The following ARMC9 variants were observed in gnomAD, a reference collection of about 807,000 sequenced individuals.
ARMC9 encodes the protein armadillo repeat containing 9.
In ARMC9, 94 loss-of-function variants were observed where a neutral mutation model predicts 107.0. The observed-to-expected ratio is 0.88, with a 90% CI of 0.74 to 1.04. The LOEUF (loss-of-function observed/expected upper bound fraction) is 1.04, where lower values mean the gene tolerates loss of function less well. Among genes scored for constraint, ARMC9 ranks in the 50% least tolerant of loss-of-function variants. The pLI is 0.00. For synonymous variants in ARMC9, 380 were observed against 396.9 expected (o/e 0.96, Z 0.51); for missense variants, 942 against 1,030.1 (o/e 0.91, Z 1.17).
intron 9 of ARMC9, among the ~76,000 whole-genome samples, chr2:231,250,061 C>T (rs2125392481): frequency 6.6e-6 from 1 of 152,232 alleles, no homozygotes; most frequent in South Asian, 2.1e-4. Context: ...GGAGCACAGT[C>T]CTTTTTCTGA....
At chr2:231,227,308 T>A (rs2034738480) in intron 7 of ARMC9, among the ~76,000 whole-genome samples, 1 of 152,228 alleles carries the variant, frequency 6.6e-6, no homozygotes, top group Admixed American at 6.5e-5. Context: ...TTACCAGAAC[T>A]GTTCACTTTT....
At chr2:231,244,066 C>T (rs916682884) in intron 9 of ARMC9, among the ~76,000 whole-genome samples, 1 of 152,152 alleles carries the variant, frequency 6.6e-6, no homozygotes, top group Non-Finnish European at 1.5e-5. Flanking sequence ...CTCTGTTGAG[C>T]TTGAGTGTTA....
intron 19 of ARMC9, among the ~76,000 whole-genome samples, chr2:231,298,415 C>A (rs2041515800): frequency 6.6e-6 from 1 of 152,182 alleles, no homozygotes; most frequent in Admixed American, 6.5e-5. Context: ...AGTGACAGAT[C>A]TTAGGCTAAA....
intron 22 of ARMC9, among the ~76,000 whole-genome samples, chr2:231,359,537 C>T (rs1268511401): frequency 6.6e-6 from 1 of 152,112 alleles, no homozygotes; most frequent in East Asian, 1.9e-4. Context: ...CCACCCCGTC[C>T]CCTACGCTCA....
chr2:231,206,622 T>G (rs2032035191), intron 2 of ARMC9, among the ~76,000 whole-genome samples: 1 of 152,256 alleles, frequency 6.6e-6, no homozygotes, highest in Non-Finnish European at 1.5e-5. Context: ...GTAGTTTGTT[T>G]TACAGAATGG....
intron 8 of ARMC9, among the ~76,000 whole-genome samples, chr2:231,238,772 A>T (rs1176610490): frequency 6.6e-6 from 1 of 152,250 alleles, no homozygotes; most frequent in East Asian, 1.9e-4. Context: ...TCTCTGAGTC[A>T]CTTCACATGT....
rs1173793070 is a variant in ARMC9 at position 231,360,748 on chromosome 2, C to G, written c.2132-6C>G. ...TGTGGACTGAACTTTCTCTCCTCCT[C>G]CCCAGCAGCCATCATCGCCAAGCCA... is the stretch of plus-strand genomic sequence containing the variant. On this transcript the variant is annotated splice_polypyrimidine_tract_variant and splice_region_variant and intron_variant, in intron 22 of 24. Transcript: ENST00000611582. The surrounding 1 kb of genome is among the most constrained non-coding windows in gnomAD (Gnocchi z 4.7). The G allele has an allele frequency of 2.6e-6, 4 of 1,536,152 alleles. No individual in the cohort carries two copies. Among genetic ancestry groups the G allele is most frequent in the Non-Finnish European group, 3.5e-6 (4 of 1,146,914 alleles).
In ARMC9 at chr2:231,341,625, TGATA is replaced by T. The variant is rs767446332; in HGVS notation, c.1879-3338_1879-3335del. Among the ~76,000 whole-genome samples, 410 of 142,458 alleles carry T rather than the reference TGATA, an allele frequency of 2.9e-3. 3 individuals are homozygous for T. Among genetic ancestry groups the T allele is most frequent in the African/African-American group, 9.6e-3 (379 of 39,330 alleles). The allele number at this position is 142,458 out of a possible 152,430, so 93.5% of individuals were successfully genotyped here. A position where few individuals can be genotyped will look rare whatever the true frequency, so the allele number is the denominator to read the frequency against. ...GTGTACAGAGATATAGATGATTGAT[TGATA>T]GATAGATAGATGATAGATAGATAGA... On this transcript the variant is annotated intron_variant, in intron 20 of 24. Transcript: ENST00000611582.
intron 12 of ARMC9, among the ~76,000 whole-genome samples, chr2:231,266,443 A>G (rs1280425963): frequency 6.6e-6 from 1 of 152,020 alleles, no homozygotes; most frequent in African/African-American, 2.4e-5. Flanking sequence ...CTTCATAAAT[A>G]TCTCTCTTCA....
intron 9 of ARMC9, among the ~76,000 whole-genome samples, chr2:231,247,585 C>T (rs1041904771): frequency 6.6e-6 from 1 of 152,176 alleles, no homozygotes; most frequent in Admixed American, 6.5e-5. Context: ...TGCTATACCT[C>T]GTATACCAAT....
At chr2:231,288,418 T>A (rs1337632871) in intron 17 of ARMC9, among the ~76,000 whole-genome samples, 1 of 152,214 alleles carries the variant, frequency 6.6e-6, no homozygotes, top group Non-Finnish European at 1.5e-5. Context: ...GTCACTTTCA[T>A]AACTAGAGGA....
chr2:231,317,391 G>A (rs966754271), intron 19 of ARMC9, among the ~76,000 whole-genome samples: 1 of 152,080 alleles, frequency 6.6e-6, no homozygotes, highest in Non-Finnish European at 1.5e-5. Flanking sequence ...GACTGGTCTC[G>A]AACACCCGAC....
intron 19 of ARMC9, among the ~76,000 whole-genome samples, chr2:231,308,622 G>T (rs2042164478): frequency 6.6e-6 from 1 of 152,216 alleles, no homozygotes; most frequent in Admixed American, 6.5e-5. Flanking sequence ...GGCGAAACTA[G>T]ATTTTGCACG....
chr2:231,256,191 T>G, intron 9 of ARMC9: 1 of 1,533,714 alleles, frequency 6.5e-7, no homozygotes, highest in Non-Finnish European at 8.8e-7. Context: ...CAGGTGCGCG[T>G]GGAATTCATG....
intron 7 of ARMC9, among the ~76,000 whole-genome samples, chr2:231,230,565 TG>T (rs2035114647): frequency 6.6e-6 from 1 of 152,222 alleles, no homozygotes; most frequent in African/African-American, 2.4e-5. Context: ...GTGATGTCTC[TG>T]GGTAGCAGCC....
Position 231,255,713 on chromosome 2 carries a change from CTT to C in ARMC9, c.880-871_880-870del, listed in dbSNP as rs1265403712. Among the ~76,000 whole-genome samples the C allele has an allele frequency of 6.6e-6, 1 of 152,074 alleles. No individual in the cohort carries two copies. The highest frequency in any genetic ancestry group is 2.4e-5 in the African/African-American group (1 of 41,374). ...GGGTTGATTTTTACATCGTATGTGACTTTGGTTGGTGAATCCTGGTGGATTAA... is the reference window on the plus strand; with the variant it reads ...GGGTTGATTTTTACATCGTATGTGACTGGTTGGTGAATCCTGGTGGATTAA... On this transcript the variant is annotated intron_variant, in intron 9 of 24. Coordinates refer to ENST00000611582, the MANE Select transcript of ARMC9 (RefSeq NM_001352754.2). This position sits in a 1 kb window ranked among gnomAD's most constrained non-coding sequence, Gnocchi z 4.7.
At chr2:231,267,001 T>C (rs371239839) in intron 12 of ARMC9, among the ~76,000 whole-genome samples, 3 of 152,352 alleles carry the variant, frequency 2.0e-5, no homozygotes, top group African/African-American at 7.2e-5. Context: ...GTAGCAAGCA[T>C]CAGCCTTGCT....
At chr2:231,265,729 A>G (rs1305727440) in intron 12 of ARMC9, among the ~76,000 whole-genome samples, 1 of 151,850 alleles carries the variant, frequency 6.6e-6, no homozygotes, top group African/African-American at 2.4e-5. Context: ...GAAATAGGCC[A>G]GGTGTGGTGG....
rs925426452 is a variant in ARMC9, at chr2:231,375,843, G to A, written c.*4308G>A. 4.6e-5 allele frequency among the ~76,000 whole-genome samples: 7 copies of A among 152,152 alleles called. No homozygotes were observed. The highest frequency in any genetic ancestry group is 7.2e-5 in the African/African-American group (3 of 41,428). On this transcript the variant is annotated 3_prime_UTR_variant, in exon 25 of 25. Transcript: ENST00000611582. The surrounding 1 kb of genome is among the most constrained non-coding windows in gnomAD (Gnocchi z 4.3). ...AAATAGGAAACTGGGGACAGAACCC[G>A]GGGGTGAGAAAGAAGACAGCAGGTG...
Sources: allele counts gnomAD v4.1 joint callset (sites outside exome capture counted in the v4.1 genomes callset), GRCh38; gene constraint gnomAD v4.1.1; non-coding constraint Gnocchi (gnomAD v3.1); transcripts MANE v1.5; gene names NCBI Gene and HGNC (gene_info 2026-07-23, HGNC 2026-07-21).